Variants in GRB10 observed in about 807,000 individuals in gnomAD.
GRB10 encodes the protein growth factor receptor bound protein 10, also known as growth factor receptor-bound protein 10.
In GRB10, 20 loss-of-function variants were observed where a neutral mutation model predicts 80.9. The observed-to-expected ratio is 0.25, with a 90% confidence interval of 0.17 to 0.36. GRB10 has a LOEUF of 0.36. GRB10 is among the 10% of genes least tolerant of loss of function. The pLI, the probability that GRB10 is intolerant of heterozygous loss-of-function variation, is 1.00. For synonymous variants in GRB10, 291 were observed against 291.5 expected (o/e 1.00, Z 0.02); for missense variants, 548 against 747.7 (o/e 0.73, Z 3.12).
intron 8 of GRB10, among the ~76,000 whole-genome samples, chr7:50,624,869 CTCT>C (rs2052589718): frequency 6.6e-6 from 1 of 151,232 alleles, no homozygotes; most frequent in African/African-American, 2.4e-5. Context: ...ACAAATATTC[CTCT>C]TTTTTTTTTA....
chr7:50,636,868 G>C (rs780116552), intron 7 of GRB10, among the ~76,000 whole-genome samples: 22 of 152,328 alleles, frequency 1.4e-4, no homozygotes, highest in South Asian at 4.1e-4. Context: ...CGTAGCACTG[G>C]AAGCCCTAAC....
intron 11 of GRB10, among the ~76,000 whole-genome samples, chr7:50,615,151 C>A (rs1309151082): frequency 6.6e-6 from 1 of 152,142 alleles, no homozygotes; most frequent in Non-Finnish European, 1.5e-5. Context: ...AGCCCCATGA[C>A]CGGATATTCA....
exon 1 of GRB10, chr7:50,793,330 C>T (rs886110014): frequency 6.8e-6 from 1 of 146,378 alleles, no homozygotes. Flanking sequence ...TCAAGACTGT[C>T]CCGGGCGCCC....
At chr7:50,664,405 G>A (rs967707498) in intron 7 of GRB10, among the ~76,000 whole-genome samples, 3 of 152,222 alleles carry the variant, frequency 2.0e-5, no homozygotes, top group African/African-American at 7.2e-5. Context: ...AAGTACAGCA[G>A]AGGGAGACAG....
rs781371534 is a variant in GRB10 at position 50,626,864 on chromosome 7, T to C, written c.619A>G (p.Asn207Asp). The change falls in exon 8 of 19, where the codon AAC becomes GAC. Residue 207 changes from asparagine to aspartate, a missense_variant. Asn to Asp is a conservative substitution (Grantham distance 23). This residue lies in a region of GRB10 where 270 missense variants were observed against 433.6 expected (regional missense o/e 0.62). Coordinates refer to ENST00000401949, the MANE Select transcript of GRB10 (RefSeq NM_001350814.2). ...LVYKSHCVDD[N>D]SWTLVEHHPH... ...TGGTGCTCCACTAGTGTCCAGCTGTTGTCATCCACACAGTGACTTTTGTAA... is the reference window on the plus strand; with the variant it reads ...TGGTGCTCCACTAGTGTCCAGCTGTCGTCATCCACACAGTGACTTTTGTAA... 1 of 1,614,160 alleles carries C rather than the reference T, an allele frequency of 6.2e-7. No individual in the cohort carries two copies. The highest frequency in any genetic ancestry group is 8.5e-7 in the Non-Finnish European group (1 of 1,180,024).
At chr7:50,749,734 A>G (rs902994219) in intron 3 of GRB10, among the ~76,000 whole-genome samples, 1 of 152,244 alleles carries the variant, frequency 6.6e-6, no homozygotes, top group African/African-American at 2.4e-5. Context: ...TCGTTGGTCT[A>G]TGAAGTAATC....
intron 3 of GRB10, among the ~76,000 whole-genome samples, chr7:50,734,752 C>G (rs2070498185): frequency 6.6e-6 from 1 of 152,192 alleles, no homozygotes; most frequent in South Asian, 2.1e-4. Context: ...CCCAGTGGAA[C>G]AGTTTCCTTG....
At chr7:50,753,114 C>A (rs980421290) in intron 3 of GRB10, among the ~76,000 whole-genome samples, 4 of 152,194 alleles carry the variant, frequency 2.6e-5, no homozygotes, top group African/African-American at 9.6e-5. Context: ...AGTGCCATGG[C>A]CCGTCACTAT....
chr7:50,712,332 T>C (rs368698985), intron 4 of GRB10, among the ~76,000 whole-genome samples: 9 of 152,324 alleles, frequency 5.9e-5, no homozygotes, highest in African/African-American at 2.2e-4. Flanking sequence ...TCAGTCAAAC[T>C]GATCCTTAAA....
intron 11 of GRB10, 113 bp from the exon 12 acceptor site, chr7:50,614,993 A>T: frequency 4.0e-6 from 3 of 741,112 alleles, no homozygotes; most frequent in Non-Finnish European, 7.4e-6. Context: ...CCCCGATGAC[A>T]CTATACATAT....
intron 4 of GRB10, among the ~76,000 whole-genome samples, chr7:50,714,003 T>TC (rs2066418310): frequency 6.6e-6 from 1 of 150,758 alleles, no homozygotes; most frequent in Admixed American, 6.6e-5. Context: ...CACATCCACC[T>TC]CCACACTCTT....
At chr7:50,599,393 C>T (rs1297225307) in intron 17 of GRB10, among the ~76,000 whole-genome samples, 1 of 152,226 alleles carries the variant, frequency 6.6e-6, no homozygotes, top group Non-Finnish European at 1.5e-5. Flanking sequence ...GGCTTGCCTT[C>T]ATCATCTCTG....
intron 8 of GRB10, among the ~76,000 whole-genome samples, chr7:50,619,702 T>C (rs1222338743): frequency 2.6e-5 from 4 of 151,986 alleles, no homozygotes; most frequent in African/African-American, 7.3e-5. Context: ...GGTGCAGAGA[T>C]GGAAGGAGAT....
At chr7:50,614,604 G>C (rs1386340339) in intron 12 of GRB10, among the ~76,000 whole-genome samples, 166 bp downstream of exon 12, 1 of 142,136 alleles carries the variant, frequency 7.0e-6, no homozygotes, top group Non-Finnish European at 1.6e-5. Context: ...AGGACTGATA[G>C]CAGCAAGTGT....
rs1209739801 is a variant in GRB10, at chr7:50,592,431, T to G, written c.*521A>C. On this transcript the variant is annotated 3_prime_UTR_variant, in exon 19 of 19. Transcript: ENST00000401949. ...GGTGTGGAGGACCCTCTGGGAACAT[T>G]TGGGGACCCATATTCAGTTTGAAAT... 6.1e-6 allele frequency: 1 copy of G among 164,282 alleles called. No homozygotes were observed. Among genetic ancestry groups the G allele is most frequent in the Non-Finnish European group, 1.3e-5 (1 of 75,188 alleles). 10.2% of individuals were successfully genotyped at this position (164,282 alleles called of 1,614,324 possible).
intron 17 of GRB10, among the ~76,000 whole-genome samples, chr7:50,599,265 C>T (rs968120667): frequency 2.0e-5 from 3 of 152,178 alleles, no homozygotes; most frequent in African/African-American, 7.2e-5. Context: ...CTCTTTCTAA[C>T]TGCATACACC....
chr7:50,599,942 GC>G (rs1227702628), intron 17 of GRB10, among the ~76,000 whole-genome samples: 1 of 152,038 alleles, frequency 6.6e-6, no homozygotes, highest in African/African-American at 2.4e-5. Context: ...TGCCACACCC[GC>G]CCCCAAGGTT....
intron 7 of GRB10, among the ~76,000 whole-genome samples, chr7:50,652,465 C>G (rs192305033): frequency 5.3e-5 from 8 of 152,264 alleles, no homozygotes; most frequent in African/African-American, 1.9e-4. Context: ...AGAGGGTGGA[C>G]ACAGAATAAG....
intron 18 of GRB10, 78 bp from the exon 19 acceptor site, chr7:50,593,176 G>C (rs2046016716): frequency 6.7e-7 from 1 of 1,501,566 alleles, no homozygotes; most frequent in Admixed American, 1.7e-5. Context: ...GCCAGCAGCA[G>C]CTACATCTGC....
Sources: allele counts gnomAD v4.1 joint callset (sites outside exome capture counted in the v4.1 genomes callset), GRCh38; gene constraint gnomAD v4.1.1; regional missense constraint gnomAD v4.1.1; transcripts MANE v1.5; gene names NCBI Gene and HGNC (gene_info 2026-07-23, HGNC 2026-07-21).